The following MBD5 variants were observed in gnomAD, a reference collection of about 807,000 sequenced individuals.
The protein encoded by MBD5 is methyl-CpG-binding domain protein 5.
MBD5 carries 13 observed loss-of-function variants against 117.3 expected under a neutral mutation model. The ratio of observed to expected loss-of-function variants is 0.11; its 90% CI spans 0.07 to 0.18. MBD5 has a LOEUF of 0.18. MBD5 is among the 10% of genes least tolerant of loss of function. The pLI is 1.00. For missense variants in MBD5, 1,879 were observed against 2,093.8 expected, an observed-to-expected ratio of 0.90 and a Z score of 2.00; for synonymous variants, 727 against 766.4, an observed-to-expected ratio of 0.95 and a Z score of 0.85.
intron 11 of MBD5, among the ~76,000 whole-genome samples, chr2:148,491,284 G>A (rs1217534980): frequency 6.7e-6 from 1 of 148,224 alleles, no homozygotes; most frequent in East Asian, 1.9e-4. Context: ...AAATTAGTAG[G>A]GGTCTTCTGG....
intron 4 of MBD5, among the ~76,000 whole-genome samples, chr2:148,417,853 GT>G (rs1429323443): frequency 6.7e-6 from 1 of 150,074 alleles, no homozygotes; most frequent in Non-Finnish European, 1.5e-5. Context: ...TTGTTTGTTT[GT>G]TTTGAGACAG....
chr2:148,349,110 TAGA>T (rs1471819881), intron 4 of MBD5, among the ~76,000 whole-genome samples: 1 of 151,810 alleles, frequency 6.6e-6, no homozygotes, highest in African/African-American at 2.4e-5. Context: ...TCAAGGAAAA[TAGA>T]AGAATAGATT....
intron 4 of MBD5, among the ~76,000 whole-genome samples, chr2:148,390,493 G>A (rs997572457): frequency 1.4e-5 from 2 of 146,654 alleles, no homozygotes; most frequent in South Asian, 2.1e-4. Context: ...ATATATATGT[G>A]TATATATGTG....
At chr2:148,085,246 T>A (rs964541710) in intron 1 of MBD5, among the ~76,000 whole-genome samples, 1 of 152,236 alleles carries the variant, frequency 6.6e-6, no homozygotes, top group East Asian at 1.9e-4. Context: ...TTATTATTGT[T>A]ACTGGTAATT....
intron 3 of MBD5, among the ~76,000 whole-genome samples, chr2:148,280,131 C>CAAAAAAAAAAAAAAAAAACAAAA (rs1701209056): frequency 1.1e-5 from 1 of 91,886 alleles, no homozygotes; most frequent in African/African-American, 4.0e-5. Flanking sequence ...AAACTAACTG[C>CAAAAAAAAAAAAAAAAAACAAAA]AAAAAAAAAA....
intron 1 of MBD5, among the ~76,000 whole-genome samples, chr2:148,163,957 G>A (rs1558954361): frequency 2.0e-5 from 3 of 152,032 alleles, no homozygotes; most frequent in African/African-American, 4.8e-5. Flanking sequence ...AAAAATGAGT[G>A]TTTGAAACAC....
chr2:148,152,617 A>G (rs551503610), intron 1 of MBD5, among the ~76,000 whole-genome samples: 200 of 152,206 alleles, frequency 1.3e-3, no homozygotes, highest in African/African-American at 4.3e-3. Flanking sequence ...ATGAATCTGG[A>G]TGCTCCTGTA....
chr2:148,267,655 C>T (rs1204551835), intron 3 of MBD5, among the ~76,000 whole-genome samples: 1 of 152,024 alleles, frequency 6.6e-6, no homozygotes, highest in Non-Finnish European at 1.5e-5. Flanking sequence ...TATATTTTTA[C>T]TAAATATATG....
At chr2:148,256,168 A>G (rs1700585703) in intron 3 of MBD5, among the ~76,000 whole-genome samples, 1 of 152,222 alleles carries the variant, frequency 6.6e-6, no homozygotes. Context: ...CATTTAGGGC[A>G]TGCCTGAGCA....
chr2:148,259,718 T>C (rs538818030), intron 3 of MBD5, among the ~76,000 whole-genome samples: 47 of 152,306 alleles, frequency 3.1e-4, no homozygotes, highest in Non-Finnish European at 6.8e-4. Flanking sequence ...AATAGTGGCT[T>C]TGAGCCAAGC....
intron 4 of MBD5, among the ~76,000 whole-genome samples, chr2:148,345,772 G>T (rs974560237): frequency 6.6e-6 from 1 of 151,352 alleles, no homozygotes; most frequent in African/African-American, 2.4e-5. Flanking sequence ...ACAGTAGGCT[G>T]TCTGCAAGCT....
At chr2:148,139,150 A>T (rs1291974709) in intron 1 of MBD5, among the ~76,000 whole-genome samples, 1 of 152,136 alleles carries the variant, frequency 6.6e-6, no homozygotes, top group East Asian at 1.9e-4. Context: ...GGCTCAGAGG[A>T]TGTATTGGTC....
At chr2:148,501,202 A>G (rs904595156) in intron 11 of MBD5, among the ~76,000 whole-genome samples, 1 of 152,250 alleles carries the variant, frequency 6.6e-6, no homozygotes, top group African/African-American at 2.4e-5. Flanking sequence ...GTTAATCATA[A>G]CTGTGTTCTA....
intron 4 of MBD5, among the ~76,000 whole-genome samples, chr2:148,352,422 A>G (rs190464200): frequency 6.6e-6 from 1 of 152,190 alleles, no homozygotes; most frequent in East Asian, 1.9e-4. Flanking sequence ...ATAGTACAAT[A>G]TAACAAACAA....
At position 148,308,491 on chromosome 2, in the gene MBD5, C is replaced by CTTTTTT. The variant is rs60650324; in HGVS notation, c.-679-33701_-679-33696dup. Among the ~76,000 whole-genome samples the CTTTTTT allele has an allele frequency of 7.5e-4, 50 of 66,794 alleles. 2 individuals are homozygous for CTTTTTT. The highest frequency in any genetic ancestry group is 2.3e-3 in the African/African-American group (47 of 20,262). The allele number at this position is 66,794 out of a possible 152,430, so 43.8% of individuals were successfully genotyped here. A position where few individuals can be genotyped will look rare whatever the true frequency, so the allele number is the denominator to read the frequency against. ...CTCCCACTTTTTGATGGGGTTCTTT[C>CTTTTTT]TTTTTTTTTTTTTTTTTTTTTTTTT... On this transcript the variant is annotated intron_variant, in intron 3 of 13. Transcript: ENST00000642680.
At chr2:148,037,729 G>C (rs1694234407) in intron 1 of MBD5, among the ~76,000 whole-genome samples, 1 of 151,922 alleles carries the variant, frequency 6.6e-6, no homozygotes, top group South Asian at 2.1e-4. Flanking sequence ...AGCAAGCTCA[G>C]GTTTTTCATA....
intron 1 of MBD5, among the ~76,000 whole-genome samples, chr2:148,043,610 T>C (rs1694438027): frequency 6.6e-6 from 1 of 152,192 alleles, no homozygotes; most frequent in African/African-American, 2.4e-5. Context: ...ATTACACCAG[T>C]TCTGCCTTTG....
At chr2:148,502,415 G>C in intron 11 of MBD5, 21 bp from the exon 12 acceptor site, 1 of 1,611,404 alleles carries the variant, frequency 6.2e-7, no homozygotes, top group Non-Finnish European at 8.5e-7. Flanking sequence ...AATGTGGTTT[G>C]GTCTTCATAC....
At chr2:148,227,178 A>C (rs1412609817) in intron 2 of MBD5, among the ~76,000 whole-genome samples, 1 of 152,232 alleles carries the variant, frequency 6.6e-6, no homozygotes, top group African/African-American at 2.4e-5. Flanking sequence ...TTAGACAGGA[A>C]GTCCTTGCCC....
Sources: allele counts gnomAD v4.1 joint callset (sites outside exome capture counted in the v4.1 genomes callset), GRCh38; gene constraint gnomAD v4.1.1; transcripts MANE v1.5; gene names NCBI Gene and HGNC (gene_info 2026-07-23, HGNC 2026-07-21).